Variants in DMRT1 observed in about 807,000 individuals in gnomAD.
DMRT1 encodes doublesex and mab-3 related transcription factor 1.
A neutral mutation model predicts 32.3 loss-of-function variants in DMRT1; 7 were observed. That is an observed-to-expected ratio of 0.22 (90% CI 0.12 to 0.41). The LOEUF (loss-of-function observed/expected upper bound fraction) is 0.41. Among genes scored for constraint, DMRT1 ranks in the 10% least tolerant of loss-of-function variants. The probability of loss-of-function intolerance (pLI) is 1.00; values close to 1 mark genes in which losing one functional copy is unlikely to be tolerated. For missense variants in DMRT1, 625 were observed against 500.5 expected (o/e 1.25, Z -2.37); for synonymous variants, 278 against 206.1 (o/e 1.35, Z -2.99).
chr9:900,248 G>A (rs1193846008), intron 3 of DMRT1, among the ~76,000 whole-genome samples: 1 of 152,184 alleles, frequency 6.6e-6, no homozygotes, highest in Non-Finnish European at 1.5e-5. Context: ...TCCTGGCCCG[G>A]TGCTCCAGCA....
At chr9:900,637 A>G (rs35619190) in intron 3 of DMRT1, among the ~76,000 whole-genome samples, 1 of 152,084 alleles carries the variant, frequency 6.6e-6, no homozygotes, top group Non-Finnish European at 1.5e-5. Context: ...TGAAAAAAAA[A>G]CAACAAAGAC....
chr9:953,829 T>C (rs1260189784), intron 4 of DMRT1, among the ~76,000 whole-genome samples: 1 of 152,204 alleles, frequency 6.6e-6, no homozygotes, highest in East Asian at 1.9e-4. Context: ...CTACTATTTG[T>C]TGAGTGCTGG....
At chr9:967,071 C>G (rs1179997083) in intron 4 of DMRT1, among the ~76,000 whole-genome samples, 1 of 152,180 alleles carries the variant, frequency 6.6e-6, no homozygotes, top group Non-Finnish European at 1.5e-5. Context: ...TACTGCCCGG[C>G]AGAATCCTGA....
At chr9:910,980 CTGAG>C (rs1351391792) in intron 3 of DMRT1, among the ~76,000 whole-genome samples, 1 of 152,108 alleles carries the variant, frequency 6.6e-6, no homozygotes, top group African/African-American at 2.4e-5. Context: ...TTTAGGAAAA[CTGAG>C]TGGCTCCTCT....
chr9:857,618 G>A (rs923588605), intron 2 of DMRT1, among the ~76,000 whole-genome samples: 1 of 152,092 alleles, frequency 6.6e-6, no homozygotes, highest in African/African-American at 2.4e-5. Flanking sequence ...TTTAATCTGT[G>A]AGTTTCTTTT....
chr9:843,725 G>A (rs544907399), intron 1 of DMRT1, among the ~76,000 whole-genome samples: 3 of 152,272 alleles, frequency 2.0e-5, no homozygotes, highest in Admixed American at 1.3e-4. Flanking sequence ...GTTTGCTAAC[G>A]ATGTGCTACT....
Position 894,006 on chromosome 9 carries a change from C to T in DMRT1, c.633C>T (p.Ser211=). ...TGGTTTCAGACTCCACCTACTACAG[C>T]AGCTTCTACCAGCCGTCTCTGTTTC... The part of the protein sequence containing the change: ...PDLVSDSTYY[S]SFYQPSLFPY... The change falls in exon 3 of 5, where the codon AGC becomes AGT. Residue 211 remains serine, a synonymous_variant. Coordinates refer to ENST00000382276, the MANE Select transcript of DMRT1 (RefSeq NM_021951.3). 6.2e-7 allele frequency: 1 copy of T among 1,614,234 alleles called. No individual in the cohort carries two copies. Among genetic ancestry groups the T allele is most frequent in the Non-Finnish European group, 8.5e-7 (1 of 1,180,026 alleles).
At chr9:875,387 T>G (rs1426856882) in intron 2 of DMRT1, among the ~76,000 whole-genome samples, 1 of 152,136 alleles carries the variant, frequency 6.6e-6, no homozygotes, top group African/African-American at 2.4e-5. Context: ...GTCTTTGTCC[T>G]TCCCTGACAC....
chr9:873,151 G>T (rs1438492580), intron 2 of DMRT1, among the ~76,000 whole-genome samples: 1 of 152,194 alleles, frequency 6.6e-6, no homozygotes, highest in East Asian at 1.9e-4. Context: ...CTGATTTGCA[G>T]TTTGCTGATG....
At chr9:898,040 A>T (rs1389708020) in intron 3 of DMRT1, among the ~76,000 whole-genome samples, 1 of 150,738 alleles carries the variant, frequency 6.6e-6, no homozygotes, top group Non-Finnish European at 1.5e-5. Flanking sequence ...TACAAATAAT[A>T]CCTTTAGCTA....
chr9:915,600 T>G (rs1159953293), intron 3 of DMRT1, among the ~76,000 whole-genome samples: 3 of 152,140 alleles, frequency 2.0e-5, no homozygotes, highest in Non-Finnish European at 4.4e-5. Flanking sequence ...AATTCAGATC[T>G]CAGACTCCTG....
At chr9:851,158 A>T (rs185681739) in intron 2 of DMRT1, among the ~76,000 whole-genome samples, 89 of 152,264 alleles carry the variant, frequency 5.8e-4, no homozygotes, top group African/African-American at 2.0e-3. Flanking sequence ...CCTTGGGGCA[A>T]GTTGCTAACT....
intron 2 of DMRT1, among the ~76,000 whole-genome samples, chr9:854,058 TG>T (rs947649120): frequency 4.0e-5 from 6 of 151,778 alleles, no homozygotes; most frequent in African/African-American, 1.4e-4. Flanking sequence ...GTTGAACTCC[TG>T]CTTCAGCTCC....
At chr9:870,573 G>C (rs1012547741) in intron 2 of DMRT1, among the ~76,000 whole-genome samples, 1 of 152,038 alleles carries the variant, frequency 6.6e-6, no homozygotes, top group African/African-American at 2.4e-5. Flanking sequence ...TTCTCAGAAG[G>C]TTAAGCTTTC....
chr9:856,063 C>A (rs1360503712), intron 2 of DMRT1, among the ~76,000 whole-genome samples: 1 of 152,030 alleles, frequency 6.6e-6, no homozygotes, highest in Admixed American at 6.6e-5. Context: ...ATTACAGGCG[C>A]CCGCCACCAT....
At chr9:857,994 T>C (rs1326494213) in intron 2 of DMRT1, among the ~76,000 whole-genome samples, 1 of 152,176 alleles carries the variant, frequency 6.6e-6, no homozygotes, top group East Asian at 1.9e-4. Context: ...CCATGGTGTA[T>C]ATGTGCCACA....
At chr9:872,209 C>A (rs1200461247) in intron 2 of DMRT1, among the ~76,000 whole-genome samples, 1 of 148,728 alleles carries the variant, frequency 6.7e-6, no homozygotes, top group Non-Finnish European at 1.5e-5. Flanking sequence ...TTACAGGCGC[C>A]CGCCACCATG....
At chr9:916,223 G>A (rs1033643990) in intron 3 of DMRT1, among the ~76,000 whole-genome samples, 3 of 152,172 alleles carry the variant, frequency 2.0e-5, no homozygotes, top group Non-Finnish European at 1.5e-5. Context: ...GGTTAATCGA[G>A]CACCAAATGA....
intron 4 of DMRT1, among the ~76,000 whole-genome samples, chr9:938,088 TTA>T (rs1311699313): frequency 6.6e-6 from 1 of 152,162 alleles, no homozygotes; most frequent in African/African-American, 2.4e-5. Context: ...CCAACATTGT[TTA>T]TTGAAAAGAC....
Sources: allele counts gnomAD v4.1 joint callset (sites outside exome capture counted in the v4.1 genomes callset), GRCh38; gene constraint gnomAD v4.1.1; transcripts MANE v1.5; gene names NCBI Gene and HGNC (gene_info 2026-07-23, HGNC 2026-07-21).